Variants in ASTN2 observed in about 807,000 individuals in gnomAD.
ASTN2 encodes the protein astrotactin 2.
Under a neutral mutation model 139.8 loss-of-function variants are expected in ASTN2, and 54 were observed. The observed-to-expected ratio is 0.39, with a 90% CI of 0.31 to 0.48. The LOEUF (loss-of-function observed/expected upper bound fraction) is 0.48. ASTN2 is among the 20% of genes least tolerant of loss of function. ASTN2 has a pLI of 0.95. For missense variants in ASTN2, 1,565 were observed against 1,725.1 expected, an observed-to-expected ratio of 0.91 and a Z score of 1.64; for synonymous variants, 756 against 719.5, an observed-to-expected ratio of 1.05 and a Z score of -0.81.
At chr9:117,024,255 G>C (rs2210141) in intron 6 of ASTN2, among the ~76,000 whole-genome samples, 3,702 of 152,136 alleles carry the variant, frequency 0.024, 135 homozygotes, top group African/African-American at 0.083. Context: ...GAGCAATGCA[G>C]CTTATGTTTA....
chr9:117,267,144 T>A (rs1833955586), intron 2 of ASTN2, among the ~76,000 whole-genome samples: 1 of 151,986 alleles, frequency 6.6e-6, no homozygotes, highest in Non-Finnish European at 1.5e-5. Context: ...CCTAAACTAA[T>A]TCCAAAAATA....
At chr9:116,703,109 T>C (rs1015863634) in intron 16 of ASTN2, among the ~76,000 whole-genome samples, 1 of 151,592 alleles carries the variant, frequency 6.6e-6, no homozygotes, top group African/African-American at 2.4e-5. Flanking sequence ...TGTAAAAGTG[T>C]TCCTATTTCT....
intron 13 of ASTN2, among the ~76,000 whole-genome samples, chr9:116,798,181 G>T (rs1293616355): frequency 6.6e-6 from 1 of 152,226 alleles, no homozygotes; most frequent in African/African-American, 2.4e-5. Flanking sequence ...TGAGGCAGGA[G>T]AATCAGGTCA....
rs537663505 is a variant in ASTN2, at chr9:116,514,979, G to A, written c.3356-27479C>T. Among the ~76,000 whole-genome samples the A allele has an allele frequency of 2.3e-4, 35 of 152,132 alleles. No homozygotes were observed. The East Asian group carries it at 3.1e-3, about 14-fold the overall frequency. Reference sequence around the variant, plus strand: ...GATGCCTCACCCTGCTTTGGCTCACGCTTGGTGTGCTGCACCCACTGTCCT... The same window carrying A: ...GATGCCTCACCCTGCTTTGGCTCACACTTGGTGTGCTGCACCCACTGTCCT... On this transcript the variant is annotated intron_variant, in intron 19 of 22. Coordinates refer to ENST00000313400, the MANE Select transcript of ASTN2 (RefSeq NM_001365068.1).
intron 15 of ASTN2, among the ~76,000 whole-genome samples, chr9:116,726,783 C>A (rs1324047055): frequency 1.3e-5 from 2 of 152,092 alleles, no homozygotes; most frequent in Admixed American, 6.5e-5. Context: ...TCTTTCTCTC[C>A]TTCCTCAAAC....
intron 2 of ASTN2, among the ~76,000 whole-genome samples, chr9:117,244,663 G>A (rs919284880): frequency 2.8e-5 from 4 of 143,452 alleles, no homozygotes; most frequent in Non-Finnish European, 4.6e-5. Context: ...AAGGGAGTGA[G>A]AGATGGATGG....
intron 2 of ASTN2, among the ~76,000 whole-genome samples, chr9:117,265,345 G>A (rs562685223): frequency 6.6e-6 from 1 of 152,266 alleles, no homozygotes; most frequent in Admixed American, 6.5e-5. Flanking sequence ...AGTGGCAAGG[G>A]AGGTGAGGCA....
chr9:117,311,256 C>A (rs1294512190), intron 1 of ASTN2, among the ~76,000 whole-genome samples: 1 of 149,248 alleles, frequency 6.7e-6, no homozygotes, highest in Non-Finnish European at 1.5e-5. Flanking sequence ...AGCTACTTTA[C>A]GAGAAGACAT....
In ASTN2 at chr9:117,249,123, A is replaced by C. The variant is rs76357712; in HGVS notation, c.631-34381T>G. On this transcript the variant is annotated intron_variant, in intron 2 of 22. Coordinates refer to ENST00000313400, the MANE Select transcript of ASTN2 (RefSeq NM_001365068.1). ...GTCACATTTGCAAGGGAAGGAAAGA[A>C]CATAGCTGTGGCTTGATAACCCATA... Among the ~76,000 whole-genome samples, 1,339 of 152,350 alleles carry C rather than the reference A, an allele frequency of 8.8e-3. 29 individuals carry two copies. Among genetic ancestry groups the C allele is most frequent in the African/African-American group, 0.031 (1,291 of 41,582 alleles).
At chr9:116,537,560 G>T (rs9942928) in intron 19 of ASTN2, among the ~76,000 whole-genome samples, 1 of 152,074 alleles carries the variant, frequency 6.6e-6, no homozygotes, top group Non-Finnish European at 1.5e-5. Flanking sequence ...AGCCCTGGAA[G>T]GTGAATAATT....
At chr9:117,079,254 G>T (rs1473074057) in intron 5 of ASTN2, among the ~76,000 whole-genome samples, 2 of 152,140 alleles carry the variant, frequency 1.3e-5, no homozygotes, top group African/African-American at 4.8e-5. Flanking sequence ...TTCTTGGGGG[G>T]CTGGGGAAGG....
At chr9:116,469,515 T>C (rs1848748291) in intron 20 of ASTN2, among the ~76,000 whole-genome samples, 1 of 152,174 alleles carries the variant, frequency 6.6e-6, no homozygotes, top group South Asian at 2.1e-4. Context: ...GCCTGAGCTC[T>C]GAGGTCGGTC....
At chr9:116,660,432 C>T (rs1406541781) in intron 16 of ASTN2, among the ~76,000 whole-genome samples, 1 of 152,162 alleles carries the variant, frequency 6.6e-6, no homozygotes, top group Non-Finnish European at 1.5e-5. Flanking sequence ...GACCTTGGAA[C>T]AAGACCTTAA....
At chr9:117,371,316 C>A (rs573329847) in intron 1 of ASTN2, among the ~76,000 whole-genome samples, 1 of 152,268 alleles carries the variant, frequency 6.6e-6, no homozygotes, top group African/African-American at 2.4e-5. Context: ...CTCATCCCAA[C>A]ATAAAAACTA....
intron 1 of ASTN2, among the ~76,000 whole-genome samples, chr9:117,304,739 T>A (rs1009322221): frequency 1.3e-5 from 2 of 152,192 alleles, no homozygotes; most frequent in Non-Finnish European, 2.9e-5. Flanking sequence ...GACGTGGTGC[T>A]GGAGCACAGA....
At chr9:117,218,002 T>C (rs533617814) in intron 2 of ASTN2, among the ~76,000 whole-genome samples, 1 of 152,336 alleles carries the variant, frequency 6.6e-6, no homozygotes, top group South Asian at 2.1e-4. Context: ...TTACTCAAGA[T>C]AGAGCAGCTG....
intron 16 of ASTN2, among the ~76,000 whole-genome samples, chr9:116,677,181 A>T (rs1859557194): frequency 6.6e-6 from 1 of 151,994 alleles, no homozygotes; most frequent in African/African-American, 2.4e-5. Context: ...TTCCCTTCTC[A>T]GTCTACTGAA....
At chr9:117,137,512 A>G (rs1026952891) in intron 4 of ASTN2, among the ~76,000 whole-genome samples, 2 of 152,190 alleles carry the variant, frequency 1.3e-5, no homozygotes, top group African/African-American at 4.8e-5. Flanking sequence ...TTCTGTTCCT[A>G]TAGATGCTTC....
intron 20 of ASTN2, among the ~76,000 whole-genome samples, chr9:116,460,444 T>C (rs1175875207): frequency 6.6e-6 from 1 of 152,194 alleles, no homozygotes; most frequent in Non-Finnish European, 1.5e-5. Context: ...CCAAAACCAG[T>C]GGAGTCAGGA....
Sources: allele counts gnomAD v4.1 joint callset (sites outside exome capture counted in the v4.1 genomes callset), GRCh38; gene constraint gnomAD v4.1.1; transcripts MANE v1.5; gene names NCBI Gene and HGNC (gene_info 2026-07-23, HGNC 2026-07-21).